Variants in MBD5 observed in about 807,000 individuals in gnomAD.
The protein encoded by MBD5 is methyl-CpG-binding domain protein 5.
A neutral mutation model predicts 117.3 loss-of-function variants in MBD5; 13 were observed. The observed-to-expected ratio is 0.11, with a 90% CI of 0.07 to 0.18. MBD5 has a LOEUF of 0.18. Among genes scored for constraint, MBD5 ranks in the 10% least tolerant of loss-of-function variants. The pLI is 1.00. For missense variants in MBD5, 1,879 were observed against 2,093.8 expected (o/e 0.90, Z 2.00); for synonymous variants, 727 against 766.4 (o/e 0.95, Z 0.85).
chr2:148,096,436 G>T (rs1696069847), intron 1 of MBD5, among the ~76,000 whole-genome samples: 1 of 152,208 alleles, frequency 6.6e-6, no homozygotes, highest in Admixed American at 6.5e-5. Flanking sequence ...ACAATGTGAG[G>T]TTAAAAAACC....
intron 3 of MBD5, among the ~76,000 whole-genome samples, chr2:148,341,563 GATTTTTTGGT>G (rs1349891510): frequency 1.3e-5 from 2 of 151,884 alleles, no homozygotes; most frequent in East Asian, 1.9e-4. Flanking sequence ...AGTTGTTGGG[GATTTTTTGGT>G]ATTTTTTGGT....
At chr2:148,444,069 A>T (rs1309956433) in intron 4 of MBD5, among the ~76,000 whole-genome samples, 1 of 151,238 alleles carries the variant, frequency 6.6e-6, no homozygotes, top group African/African-American at 2.5e-5. Flanking sequence ...TAAAGGATTA[A>T]ATGAGCTAAT....
chr2:148,363,532 C>G (rs1288333258), intron 4 of MBD5, among the ~76,000 whole-genome samples: 1 of 152,108 alleles, frequency 6.6e-6, no homozygotes, highest in Non-Finnish European at 1.5e-5. Flanking sequence ...CACACGCAGC[C>G]TCTGAGAACC....
chr2:148,144,750 A>T (rs956370393), intron 1 of MBD5, among the ~76,000 whole-genome samples: 2 of 152,088 alleles, frequency 1.3e-5, no homozygotes, highest in African/African-American at 4.8e-5. Context: ...CAAAGATTAG[A>T]TGGTTGTAGA....
chr2:148,487,254 T>C (rs1359728262), intron 10 of MBD5, among the ~76,000 whole-genome samples: 1 of 152,118 alleles, frequency 6.6e-6, no homozygotes, highest in Non-Finnish European at 1.5e-5. Flanking sequence ...AACATCTTTA[T>C]GTTCAAGGGA....
At chr2:148,375,887 T>C (rs1001712448) in intron 4 of MBD5, among the ~76,000 whole-genome samples, 1 of 152,112 alleles carries the variant, frequency 6.6e-6, no homozygotes, top group East Asian at 1.9e-4. Flanking sequence ...CTGCTCTGAC[T>C]ATCATCGTTC....
intron 1 of MBD5, chr2:148,062,198 T>C (rs1339732975): frequency 6.6e-6 from 1 of 151,704 alleles, no homozygotes; most frequent in Non-Finnish European, 1.5e-5. Context: ...TGGATATACA[T>C]ACATGTATGT....
chr2:148,231,176 C>T (rs1225734662), intron 2 of MBD5, among the ~76,000 whole-genome samples: 1 of 152,102 alleles, frequency 6.6e-6, no homozygotes, highest in Non-Finnish European at 1.5e-5. Context: ...TATTTTGGGC[C>T]ACAGAACACT....
At chr2:148,268,657 G>A (rs147085579) in intron 3 of MBD5, among the ~76,000 whole-genome samples, 84 of 151,504 alleles carry the variant, frequency 5.5e-4, no homozygotes, top group Non-Finnish European at 9.1e-4. Flanking sequence ...ACCATGTACA[G>A]TTTCTAATTT....
intron 1 of MBD5, among the ~76,000 whole-genome samples, chr2:148,086,841 T>C (rs935641775): frequency 6.6e-6 from 1 of 152,180 alleles, no homozygotes; most frequent in African/African-American, 2.4e-5. Flanking sequence ...GGACTAGACT[T>C]CCATCTGTCT....
intron 3 of MBD5, among the ~76,000 whole-genome samples, chr2:148,256,856 T>C (rs939480771): frequency 6.6e-6 from 1 of 152,254 alleles, no homozygotes; most frequent in Non-Finnish European, 1.5e-5. Context: ...CCAAGACCTT[T>C]TGCAGCTCTG....
At chr2:148,190,973 C>G (rs1026534361) in intron 2 of MBD5, among the ~76,000 whole-genome samples, 6 of 149,424 alleles carry the variant, frequency 4.0e-5, no homozygotes, top group Non-Finnish European at 7.4e-5. Context: ...TCTGATAAAA[C>G]AGACTTTAAA....
intron 4 of MBD5, among the ~76,000 whole-genome samples, chr2:148,426,889 T>G (rs1044110580): frequency 2.0e-5 from 3 of 152,120 alleles, no homozygotes; most frequent in Non-Finnish European, 4.4e-5. Flanking sequence ...AGAAAATTTT[T>G]GCAATCTACT....
At chr2:148,175,653 C>T (rs1177204663) in intron 1 of MBD5, among the ~76,000 whole-genome samples, 1 of 152,070 alleles carries the variant, frequency 6.6e-6, no homozygotes, top group Non-Finnish European at 1.5e-5. Context: ...TGGATGGGGC[C>T]TTCAGAAAAT....
At chr2:148,087,858 C>A (rs989696554) in intron 1 of MBD5, among the ~76,000 whole-genome samples, 1 of 152,062 alleles carries the variant, frequency 6.6e-6, no homozygotes, top group African/African-American at 2.4e-5. Flanking sequence ...TGGATCCAAA[C>A]CAAGAAGAAA....
At chr2:148,141,361 A>C (rs931154333) in intron 1 of MBD5, among the ~76,000 whole-genome samples, 6 of 152,138 alleles carry the variant, frequency 3.9e-5, no homozygotes, top group Admixed American at 3.9e-4. Flanking sequence ...TTAACCCCCA[A>C]TAAACTCCAC....
At position 148,498,489 on chromosome 2, in the gene MBD5, C is replaced by T. The variant is rs193225706; in HGVS notation, c.4963-3947C>T. Among the ~76,000 whole-genome samples, 84 of 152,306 alleles carry T rather than the reference C, an allele frequency of 5.5e-4. 1 individual carries two copies. The highest frequency in any genetic ancestry group is 1.8e-3 in the African/African-American group (74 of 41,558). On this transcript the variant is annotated intron_variant, in intron 11 of 13. Transcript: ENST00000642680. ...AGTAGCTGGGATTACAGATGCCTGC[C>T]ACCATGCCCAGCTATTTTTTGTATT...
intron 2 of MBD5, among the ~76,000 whole-genome samples, chr2:148,209,789 C>T (rs573720290): frequency 6.6e-5 from 10 of 151,836 alleles, no homozygotes; most frequent in African/African-American, 1.9e-4. Flanking sequence ...GAGCAAGGGG[C>T]GGGGGGAGGT....
chr2:148,087,287 C>T (rs1695820753), intron 1 of MBD5, among the ~76,000 whole-genome samples: 1 of 152,236 alleles, frequency 6.6e-6, no homozygotes, highest in Admixed American at 6.5e-5. Context: ...ATTATAGCAA[C>T]TCATGAACCA....
Sources: gnomAD v4.1 joint callset for allele counts (sites outside exome capture counted in the v4.1 genomes callset) on GRCh38, gnomAD v4.1.1 for gene constraint, MANE v1.5 for transcripts, NCBI Gene and HGNC (gene_info 2026-07-23, HGNC 2026-07-21) for gene names.